ARL15: variants seen among roughly 807,000 people sequenced by gnomAD.
ARL15 encodes the protein ARF like GTPase 15.
A neutral mutation model predicts 25.2 loss-of-function variants in ARL15; 19 were observed. The ratio of observed to expected loss-of-function variants is 0.75; its 90% CI spans 0.53 to 1.10. The LOEUF (loss-of-function observed/expected upper bound fraction) is 1.10. Among genes scored for constraint, ARL15 ranks in the 50% least tolerant of loss-of-function variants. The pLI is 0.00. For missense variants in ARL15, 220 were observed against 246.0 expected (o/e 0.89, Z 0.71); for synonymous variants, 94 against 86.8 (o/e 1.08, Z -0.46).
intron 1 of ARL15, among the ~76,000 whole-genome samples, chr5:54,265,564 A>G (rs1287964607): frequency 6.6e-6 from 1 of 152,204 alleles, no homozygotes; most frequent in African/African-American, 2.4e-5. Flanking sequence ...TTTTAAATTG[A>G]AGAGGGACTC....
At chr5:54,026,340 C>T (rs1328816419) in intron 4 of ARL15, among the ~76,000 whole-genome samples, 6 of 152,178 alleles carry the variant, frequency 3.9e-5, no homozygotes, top group Admixed American at 2.0e-4. Flanking sequence ...ATAATCAGAG[C>T]TCACTGCAGC....
intron 1 of ARL15, among the ~76,000 whole-genome samples, chr5:54,268,956 T>C (rs1386186948): frequency 1.3e-5 from 2 of 151,652 alleles, no homozygotes; most frequent in Non-Finnish European, 2.9e-5. Context: ...TCATTCTCAG[T>C]AAACTATCGC....
At chr5:54,080,760 CCT>C (rs556792913) in intron 4 of ARL15, among the ~76,000 whole-genome samples, 278 of 152,270 alleles carry the variant, frequency 1.8e-3, no homozygotes, top group African/African-American at 6.4e-3. Context: ...TGAAACTCCC[CCT>C]GTCCTTTAAA....
intron 4 of ARL15, among the ~76,000 whole-genome samples, chr5:53,901,388 G>A (rs62372372): frequency 0.081 from 12,307 of 152,164 alleles, 624 homozygotes; most frequent in Non-Finnish European, 0.12. Context: ...GGTTGTTTAA[G>A]GAGTCCTACC....
intron 4 of ARL15, among the ~76,000 whole-genome samples, chr5:53,915,257 A>G (rs1745601729): frequency 6.6e-6 from 1 of 152,238 alleles, no homozygotes; most frequent in Non-Finnish European, 1.5e-5. Flanking sequence ...AGGATGATCT[A>G]TAGTTTTTAT....
intron 1 of ARL15, among the ~76,000 whole-genome samples, chr5:54,179,211 G>T (rs1754975715): frequency 6.6e-6 from 1 of 152,054 alleles, no homozygotes; most frequent in African/African-American, 2.4e-5. Flanking sequence ...GTTGATAGAG[G>T]GCAACAAAGA....
intron 4 of ARL15, among the ~76,000 whole-genome samples, chr5:53,952,590 AAGTT>A (rs1747014599): frequency 6.6e-6 from 1 of 152,170 alleles, no homozygotes; most frequent in African/African-American, 2.4e-5. Flanking sequence ...AATTGGCTCA[AAGTT>A]AGTAGCAATT....
Position 54,058,007 on chromosome 5 carries a change from TATTTA to T in ARL15, c.462+55190_462+55194del, listed in dbSNP as rs760663922. ...TGGTGCCTTTATTTATTTATTTATT[TATTTA>T]TTTATTTTTTTTGACAAAGTCTCGC... On this transcript the variant is annotated intron_variant, in intron 4 of 4. Coordinates refer to ENST00000504924, the MANE Select transcript of ARL15 (RefSeq NM_019087.3). Among the ~76,000 whole-genome samples, 435 of 141,738 alleles carry T rather than the reference TATTTA, an allele frequency of 3.1e-3. 18 individuals carry two copies. Among genetic ancestry groups the T allele is most frequent in the Non-Finnish European group, 4.1e-3 (272 of 65,738 alleles). The allele number at this position is 141,738 out of a possible 152,430, so 93.0% of individuals were successfully genotyped here.
chr5:54,148,195 AGT>A (rs1245569375), intron 3 of ARL15, among the ~76,000 whole-genome samples: 9 of 152,216 alleles, frequency 5.9e-5, no homozygotes, highest in Admixed American at 5.9e-4. Flanking sequence ...CCTGTCAAGA[AGT>A]GTGTCCTGTA....
At chr5:53,989,988 C>T (rs1580146872) in intron 4 of ARL15, among the ~76,000 whole-genome samples, 1 of 152,042 alleles carries the variant, frequency 6.6e-6, no homozygotes, top group Non-Finnish European at 1.5e-5. Context: ...AATTCCAGCG[C>T]TTTGGGAGGC....
Position 53,884,418 on chromosome 5 carries a change from C to A in ARL15, c.*2143G>T, listed in dbSNP as rs1744447687. 1 of 149,896 alleles carries A rather than the reference C, an allele frequency of 6.7e-6. No individual in the cohort carries two copies. The highest frequency in any genetic ancestry group is 2.1e-4 in the South Asian group (1 of 4,656). The allele number at this position is 149,896 out of a possible 1,614,324, so 9.3% of individuals were successfully genotyped here. The stretch of plus-strand genomic sequence containing the variant: ...CCGTTCAGGCCCCACCCCGCCCCCA[C>A]GTGGATTTCCAAAACATGGCAAATT... On this transcript the variant is annotated 3_prime_UTR_variant, in exon 5 of 5. Coordinates refer to ENST00000504924, the MANE Select transcript of ARL15 (RefSeq NM_019087.3).
chr5:54,308,360 C>A (rs1758814094), intron 1 of ARL15, among the ~76,000 whole-genome samples: 1 of 152,106 alleles, frequency 6.6e-6, no homozygotes, highest in South Asian at 2.1e-4. Context: ...TTGGTCACTG[C>A]ACTTGTGAAT....
chr5:54,043,920 G>A (rs1349820977), intron 4 of ARL15, among the ~76,000 whole-genome samples: 1 of 152,170 alleles, frequency 6.6e-6, no homozygotes. Context: ...AGGAGGCTGA[G>A]GTGGGAGTAT....
At chr5:54,245,670 C>G (rs1757070248) in intron 1 of ARL15, among the ~76,000 whole-genome samples, 1 of 152,068 alleles carries the variant, frequency 6.6e-6, no homozygotes. Context: ...TCACTGCAAC[C>G]TCCGCCTCTT....
At chr5:54,175,852 A>G (rs966136715) in intron 1 of ARL15, among the ~76,000 whole-genome samples, 10 of 151,814 alleles carry the variant, frequency 6.6e-5, no homozygotes, top group Non-Finnish European at 1.3e-4. Context: ...GGGTTTCACC[A>G]TGTTGCTCAG....
At chr5:54,265,732 T>C (rs750304049) in intron 1 of ARL15, among the ~76,000 whole-genome samples, 8 of 152,188 alleles carry the variant, frequency 5.3e-5, no homozygotes, top group Non-Finnish European at 8.8e-5. Flanking sequence ...TACAAGCACA[T>C]CTATTCCATA....
chr5:54,294,574 T>C (rs998580183), intron 1 of ARL15, among the ~76,000 whole-genome samples: 1 of 152,234 alleles, frequency 6.6e-6, no homozygotes, highest in Non-Finnish European at 1.5e-5. Flanking sequence ...CCTTATAGAA[T>C]ACTTTAAAAC....
At chr5:54,147,754 G>A (rs1336456839) in intron 3 of ARL15, among the ~76,000 whole-genome samples, 1 of 152,166 alleles carries the variant, frequency 6.6e-6, no homozygotes, top group Non-Finnish European at 1.5e-5. Flanking sequence ...ATACCAGCAA[G>A]AAATTTTTGC....
rs1192817621 is a variant in ARL15, at chr5:53,978,636, AG to A, written c.463-91924del. 6.6e-4 allele frequency among the ~76,000 whole-genome samples: 85 copies of A among 129,124 alleles called. 5 individuals are homozygous for A. Among genetic ancestry groups the A allele is most frequent in the East Asian group, 1.6e-3 (8 of 5,080 alleles). 84.7% of individuals were successfully genotyped at this position (129,124 alleles called of 152,430 possible). ...CCCTGTCTCTACAAAAAAAAAAAAA[AG>A]AAAAGAAAAGAAAGAAATAAAAGAA... On this transcript the variant is annotated intron_variant, in intron 4 of 4. Coordinates refer to ENST00000504924, the MANE Select transcript of ARL15 (RefSeq NM_019087.3).
Sources: allele counts gnomAD v4.1 joint callset (sites outside exome capture counted in the v4.1 genomes callset), GRCh38; gene constraint gnomAD v4.1.1; transcripts MANE v1.5; gene names NCBI Gene and HGNC (gene_info 2026-07-23, HGNC 2026-07-21).